NBEA: variants seen among roughly 807,000 people sequenced by gnomAD.
NBEA encodes neurobeachin.
In NBEA, 44 loss-of-function variants were observed where a neutral mutation model predicts 343.4. The observed-to-expected ratio is 0.13, with a 90% CI of 0.10 to 0.16. The LOEUF (loss-of-function observed/expected upper bound fraction) is 0.16. NBEA is among the 10% of genes least tolerant of loss of function. The probability of loss-of-function intolerance (pLI) is 1.00; values close to 1 mark genes in which losing one functional copy is unlikely to be tolerated. For synonymous variants in NBEA, 1,175 were observed against 1,238.7 expected, an observed-to-expected ratio of 0.95 and a Z score of 1.08; for missense variants, 2,555 against 3,631.3, an observed-to-expected ratio of 0.70 and a Z score of 7.62.
intron 38 of NBEA, among the ~76,000 whole-genome samples, chr13:35,373,760 A>G (rs771063574): frequency 2.0e-4 from 31 of 151,816 alleles, no homozygotes; most frequent in Non-Finnish European, 4.0e-4. Flanking sequence ...AAATATATTT[A>G]TTACAAATTA....
At chr13:35,037,690 C>G (rs1220702963) in intron 1 of NBEA, among the ~76,000 whole-genome samples, 1 of 152,144 alleles carries the variant, frequency 6.6e-6, no homozygotes, top group Admixed American at 6.5e-5. Context: ...CACACAGAGT[C>G]TCTCTCTCTT....
At chr13:35,151,859 C>A (rs971214183) in intron 18 of NBEA, among the ~76,000 whole-genome samples, 1 of 151,970 alleles carries the variant, frequency 6.6e-6, no homozygotes, top group Non-Finnish European at 1.5e-5. Context: ...TGCTTTGTTA[C>A]TCCATCTCTA....
chr13:34,996,922 A>G (rs1447534824), intron 1 of NBEA, among the ~76,000 whole-genome samples: 2 of 152,140 alleles, frequency 1.3e-5, no homozygotes, highest in East Asian at 1.9e-4. Flanking sequence ...AACATCTGAC[A>G]TTTGTTAAAT....
intron 1 of NBEA, among the ~76,000 whole-genome samples, chr13:35,010,769 T>TATATATATATATACACACACATATAC (rs1566159335): frequency 2.9e-5 from 3 of 102,598 alleles, no homozygotes; most frequent in African/African-American, 1.2e-4. Context: ...TATATATATA[T>TATATATATATATACACACACATATAC]ATATATATAT....
chr13:35,477,623 A>G (rs1052537719), intron 41 of NBEA, among the ~76,000 whole-genome samples: 2 of 152,176 alleles, frequency 1.3e-5, no homozygotes, highest in African/African-American at 4.8e-5. Flanking sequence ...GAAAAATTGA[A>G]GGTTTGGGGT....
intron 1 of NBEA, among the ~76,000 whole-genome samples, chr13:35,000,125 A>G (rs1273669670): frequency 1.3e-5 from 2 of 152,172 alleles, no homozygotes; most frequent in Non-Finnish European, 2.9e-5. Context: ...TTAGAATAAG[A>G]TAGACATAAG....
intron 38 of NBEA, among the ~76,000 whole-genome samples, chr13:35,381,856 CTGAT>C (rs2042026876): frequency 6.6e-6 from 1 of 152,060 alleles, no homozygotes; most frequent in African/African-American, 2.4e-5. Flanking sequence ...GTTTATGTGA[CTGAT>C]TATTATACCG....
At chr13:35,530,326 CTG>C (rs2078197080) in intron 41 of NBEA, among the ~76,000 whole-genome samples, 1 of 152,162 alleles carries the variant, frequency 6.6e-6, no homozygotes, top group African/African-American at 2.4e-5. Flanking sequence ...GCAGGCCTGT[CTG>C]TGACTGGCGG....
chr13:35,163,106 T>G (rs1186915651), intron 23 of NBEA, among the ~76,000 whole-genome samples: 1 of 152,138 alleles, frequency 6.6e-6, no homozygotes. Flanking sequence ...TGAGTGATAC[T>G]CAGCTTTTTT....
rs567508907 is a variant in NBEA at position 35,391,392 on chromosome 13, T to G, written c.6179+39069T>G. On this transcript the variant is annotated intron_variant, in intron 38 of 58. Transcript: ENST00000379939. ...TTTCTTCATTACTTGAGTTTCATGTTGTACACATAGAAGAATTTGAAATTG... is the reference window on the plus strand; with the variant it reads ...TTTCTTCATTACTTGAGTTTCATGTGGTACACATAGAAGAATTTGAAATTG... 3.7e-4 allele frequency among the ~76,000 whole-genome samples: 57 copies of G among 152,272 alleles called. No individual in the cohort carries two copies. In the Middle Eastern group the frequency reaches 0.01, roughly 27 times the overall value.
chr13:35,115,576 A>G (rs2066453300), intron 13 of NBEA, among the ~76,000 whole-genome samples: 1 of 152,054 alleles, frequency 6.6e-6, no homozygotes, highest in African/African-American at 2.4e-5. Context: ...TTTAGCTTCT[A>G]TAGTTTACAT....
Position 35,394,075 on chromosome 13 carries a change from G to C in NBEA, c.6180-38194G>C, listed in dbSNP as rs1211624687. 2.6e-5 allele frequency among the ~76,000 whole-genome samples: 4 copies of C among 152,122 alleles called. No homozygotes were observed. The South Asian group carries it at 6.2e-4, about 24-fold the overall frequency. On this transcript the variant is annotated intron_variant, in intron 38 of 58. Transcript: ENST00000379939. Reference sequence around the variant, plus strand: ...TATTTTATATCATTGTATAGACACAGATGTACTAAGTGTGGGAAAATAGCA... The same window carrying C: ...TATTTTATATCATTGTATAGACACACATGTACTAAGTGTGGGAAAATAGCA...
At chr13:35,320,698 T>A (rs942569571) in intron 36 of NBEA, among the ~76,000 whole-genome samples, 2 of 152,202 alleles carry the variant, frequency 1.3e-5, no homozygotes, top group African/African-American at 4.8e-5. Context: ...GTTTTCTAAC[T>A]TGGTTCCGTT....
chr13:35,073,875 G>A (rs1216202361), intron 10 of NBEA, among the ~76,000 whole-genome samples: 2 of 152,160 alleles, frequency 1.3e-5, no homozygotes, highest in South Asian at 2.1e-4. Context: ...CCAGGAGGTG[G>A]AGGTTGCCAT....
chr13:35,457,442 C>T (rs1594702316), intron 40 of NBEA, among the ~76,000 whole-genome samples: 1 of 152,162 alleles, frequency 6.6e-6, no homozygotes, highest in East Asian at 1.9e-4. Context: ...CACCAATTTT[C>T]CTGTTCCCTC....
intron 38 of NBEA, among the ~76,000 whole-genome samples, chr13:35,426,417 G>C (rs974242554): frequency 3.3e-5 from 5 of 152,126 alleles, no homozygotes; most frequent in Admixed American, 2.6e-4. Flanking sequence ...AGCTTAGTTT[G>C]GCTGGATATG....
At chr13:35,567,079 G>T in intron 45 of NBEA, 62 bp downstream of exon 45, 1 of 871,438 alleles carries the variant, frequency 1.1e-6, no homozygotes, top group Non-Finnish European at 1.9e-6. Context: ...TAGTATTTCT[G>T]TCAGAGTATA....
At chr13:34,970,678 A>G (rs759189059) in intron 1 of NBEA, among the ~76,000 whole-genome samples, 3 of 152,098 alleles carry the variant, frequency 2.0e-5, no homozygotes, top group Non-Finnish European at 2.9e-5. Flanking sequence ...TTTGTTGAAG[A>G]TCAGATAGTG....
chr13:34,962,681 GC>G (rs2059697838), intron 1 of NBEA, among the ~76,000 whole-genome samples: 2 of 152,080 alleles, frequency 1.3e-5, no homozygotes, highest in African/African-American at 4.8e-5. Context: ...ATAAACAACT[GC>G]TTTTTGTGAG....
Sources: allele counts gnomAD v4.1 joint callset (sites outside exome capture counted in the v4.1 genomes callset), GRCh38; gene constraint gnomAD v4.1.1; transcripts MANE v1.5; gene names NCBI Gene and HGNC (gene_info 2026-07-23, HGNC 2026-07-21).